The following PLCH1 variants were observed in gnomAD, a reference collection of about 807,000 sequenced individuals.
PLCH1 encodes phospholipase C eta 1, also known as 1-phosphatidylinositol 4,5-bisphosphate phosphodiesterase eta-1.
In PLCH1, 60 loss-of-function variants were observed where a neutral mutation model predicts 126.7. The ratio of observed to expected loss-of-function variants is 0.47; its 90% confidence interval spans 0.38 to 0.59. The LOEUF (loss-of-function observed/expected upper bound fraction) is 0.59, where lower values mean the gene tolerates loss of function less well. Among genes scored for constraint, PLCH1 ranks in the 20% least tolerant of loss-of-function variants. The pLI, the probability that PLCH1 is intolerant of heterozygous loss-of-function variation, is 0.00. For missense variants in PLCH1, 1,723 were observed against 2,040.0 expected (o/e 0.84, Z 2.99); for synonymous variants, 719 against 734.9 (o/e 0.98, Z 0.35).
chr3:155,719,520 AAATT>A lies in PLCH1; in HGVS notation c.-40-15260_-40-15257del, dbSNP rs369983302. 4.5e-3 allele frequency among the ~76,000 whole-genome samples: 684 copies of A among 152,276 alleles called. 8 individuals carry two copies. The highest frequency in any genetic ancestry group is 0.015 in the African/African-American group (640 of 41,550). ...CCCTAGAACTTAAAGTATAATAAAA[AAATT>A]AATTAATTAAAAAAAAGAATAAGCA... On this transcript the variant is annotated intron_variant, in intron 1 of 22. Coordinates refer to ENST00000460012, the MANE Select transcript of PLCH1 (RefSeq NM_014996.4).
chr3:155,553,970 G>T, intron 9 of PLCH1, 106 bp downstream of exon 9: 4 of 987,872 alleles, frequency 4.0e-6, no homozygotes, highest in South Asian at 1.7e-5. Context: ...AGCAAAGAGG[G>T]CAGTGTAGAG....
At chr3:155,471,158 C>A (rs1439261112) in intron 21 of PLCH1, among the ~76,000 whole-genome samples, 5 of 152,190 alleles carry the variant, frequency 3.3e-5, no homozygotes, top group African/African-American at 9.7e-5. Flanking sequence ...CAAGACCCAT[C>A]AGTGTGCTGT....
chr3:155,710,117 AG>A (rs1290198288), intron 1 of PLCH1, among the ~76,000 whole-genome samples: 4 of 152,050 alleles, frequency 2.6e-5, no homozygotes, highest in Non-Finnish European at 5.9e-5. Context: ...CCTCCCGACT[AG>A]CAGGGACTAC....
chr3:155,657,213 G>A (rs1559904182), intron 2 of PLCH1, among the ~76,000 whole-genome samples: 1 of 152,196 alleles, frequency 6.6e-6, no homozygotes, highest in Non-Finnish European at 1.5e-5. Flanking sequence ...CAAGGCTTTG[G>A]AGTCAAGCAA....
At chr3:155,683,111 G>A (rs1416931596) in intron 2 of PLCH1, among the ~76,000 whole-genome samples, 1 of 152,156 alleles carries the variant, frequency 6.6e-6, no homozygotes, top group Non-Finnish European at 1.5e-5. Context: ...ACATTTTTAA[G>A]CATCTGAATC....
chr3:155,548,495 A>G (rs554969200), intron 10 of PLCH1, among the ~76,000 whole-genome samples: 2 of 152,342 alleles, frequency 1.3e-5, no homozygotes, highest in African/African-American at 4.8e-5. Flanking sequence ...TATGCAAAGG[A>G]GACTCAATTA....
Position 155,596,267 on chromosome 3 carries a change from C to A in PLCH1, c.191G>T (p.Arg64Leu). 6.2e-7 allele frequency: 1 copy of A among 1,613,544 alleles called. No individual in the cohort carries two copies. The highest frequency in any genetic ancestry group is 8.5e-7 in the Non-Finnish European group (1 of 1,179,566). ...CTCACTCTTCCTAGAGGGTCGCCATCGGAGGCGTGTCCGGTGCTCATCCAG... is the reference window on the plus strand; with the variant it reads ...CTCACTCTTCCTAGAGGGTCGCCATAGGAGGCGTGTCCGGTGCTCATCCAG... Reference protein sequence around the residue: ...FYLDEHRTRLRWRPSRKSEKA... With the variant: ...FYLDEHRTRLLWRPSRKSEKA... The change falls in exon 3 of 23, where the codon CGA (arginine) becomes CTA (leucine). Residue 64 changes from arginine to leucine, a missense_variant. Physicochemically the swap from Arg to Leu is moderately radical, Grantham distance 102. This residue lies in a region of PLCH1 where 776 missense variants were observed against 1,062.9 expected (regional missense o/e 0.73). Coordinates refer to ENST00000460012, the MANE Select transcript of PLCH1 (RefSeq NM_014996.4).
Position 155,485,478 on chromosome 3 carries a change from C to A in PLCH1, c.2852G>T (p.Arg951Met). ...GCGTGCTTGCAAACTGCGTGTGGTCCTCCTCAGCACGCCATCTTGATCTCT... is the reference window on the plus strand; with the variant it reads ...GCGTGCTTGCAAACTGCGTGTGGTCATCCTCAGCACGCCATCTTGATCTCT... ...ATRDQDGVLR[R>M]TTRSLQARPV... is the part of the protein sequence containing the mutation. Residue 951 changes from arginine (R) to methionine (M), a missense_variant, in exon 22 of 23, where the codon AGG becomes ATG. Arg to Met is a moderately conservative substitution (Grantham distance 91). Transcript: ENST00000460012. The A allele has an allele frequency of 6.2e-7, 1 of 1,614,072 alleles. No individual in the cohort carries two copies. The highest frequency in any genetic ancestry group is 8.5e-7 in the Non-Finnish European group (1 of 1,179,910).
At chr3:155,699,632 T>C (rs1241028994) in intron 2 of PLCH1, among the ~76,000 whole-genome samples, 1 of 152,246 alleles carries the variant, frequency 6.6e-6, no homozygotes, top group Non-Finnish European at 1.5e-5. Context: ...CACTTTTGCA[T>C]AATTTCATTC....
intron 8 of PLCH1, among the ~76,000 whole-genome samples, chr3:155,556,661 T>A (rs1235975882): frequency 2.6e-5 from 4 of 152,222 alleles, no homozygotes; most frequent in African/African-American, 9.6e-5. Flanking sequence ...GTAAAGCCGA[T>A]TATGCTCCAC....
At chr3:155,645,565 C>T (rs1036782208) in intron 2 of PLCH1, among the ~76,000 whole-genome samples, 1 of 152,212 alleles carries the variant, frequency 6.6e-6, no homozygotes, top group African/African-American at 2.4e-5. Context: ...CAGCCTCAAC[C>T]TCCCAGGCTC....
rs781183963 is a variant in PLCH1 at position 155,482,078 on chromosome 3, G to C, written c.3948C>G (p.Asp1316Glu). 1 of 1,614,176 alleles carries C rather than the reference G, an allele frequency of 6.2e-7. No homozygotes were observed. The highest frequency in any genetic ancestry group is 1.1e-5 in the South Asian group (1 of 91,086). Residue 1316 changes from aspartate to glutamate, a missense_variant, in exon 23 of 23, where the codon GAC becomes GAG. Asp to Glu is a conservative substitution (Grantham distance 45). This residue lies in a region of PLCH1 where 947 missense variants were observed against 977.1 expected (regional missense o/e 0.97). Transcript: ENST00000460012. ...GGCTGCAGCTCTTCAGTGTTTCCCA[G>C]TCTTCTCCCTTGGTAGGACTTTTTG... is the stretch of plus-strand genomic sequence containing the variant. ...WLPKSPTKGE[D>E]WETLKSCSPA...
chr3:155,691,447 C>T (rs1195730529), intron 2 of PLCH1, among the ~76,000 whole-genome samples: 1 of 152,100 alleles, frequency 6.6e-6, no homozygotes, highest in Non-Finnish European at 1.5e-5. Context: ...TATGCAAAGC[C>T]GGAGATATTG....
intron 2 of PLCH1, among the ~76,000 whole-genome samples, chr3:155,622,301 A>G (rs1038042177): frequency 2.0e-5 from 3 of 152,240 alleles, no homozygotes; most frequent in African/African-American, 7.2e-5. Flanking sequence ...CAGCCACTGC[A>G]AAAACATACC....
At chr3:155,487,565 T>G (rs1422397297) in intron 21 of PLCH1, among the ~76,000 whole-genome samples, 1 of 152,184 alleles carries the variant, frequency 6.6e-6, no homozygotes, top group Non-Finnish European at 1.5e-5. Context: ...AATTTTTAGA[T>G]TTTCAGTTAA....
intron 21 of PLCH1, among the ~76,000 whole-genome samples, chr3:155,472,753 G>C (rs1229201403): frequency 6.7e-6 from 1 of 150,008 alleles, no homozygotes; most frequent in African/African-American, 2.4e-5. Context: ...CTTCATCCCT[G>C]GGATGCAAGG....
chr3:155,544,095 T>C (rs1175504020), intron 10 of PLCH1, among the ~76,000 whole-genome samples: 1 of 151,420 alleles, frequency 6.6e-6, no homozygotes, highest in African/African-American at 2.4e-5. Context: ...GACTGGCAAA[T>C]TGGATAAACA....
In PLCH1 at chr3:155,606,049, T is replaced by A. The variant is rs573274986; in HGVS notation, c.80-9671A>T. On this transcript the variant is annotated intron_variant, in intron 2 of 22. Transcript: ENST00000460012. ...GCTGGTAAAAAGAGATTTTAAAGAATTTTTTTTTAAGAAAAAAGAGCTCTA... is the reference window on the plus strand; with the variant it reads ...GCTGGTAAAAAGAGATTTTAAAGAAATTTTTTTTAAGAAAAAAGAGCTCTA... Among the ~76,000 whole-genome samples the A allele has an allele frequency of 3.3e-5, 5 of 151,714 alleles. No individual in the cohort carries two copies. In the South Asian group the frequency reaches 8.3e-4, roughly 25 times the overall value.
chr3:155,519,077 G>T (rs542093613), intron 11 of PLCH1, among the ~76,000 whole-genome samples: 24 of 152,298 alleles, frequency 1.6e-4, no homozygotes, highest in African/African-American at 4.6e-4. Context: ...CAAGAAAATT[G>T]GCAGCTGTGA....
Sources: gnomAD v4.1 joint callset for allele counts (sites outside exome capture counted in the v4.1 genomes callset) on GRCh38, gnomAD v4.1.1 for gene constraint, gnomAD v4.1.1 regional missense constraint, MANE v1.5 for transcripts, NCBI Gene and HGNC (gene_info 2026-07-23, HGNC 2026-07-21) for gene names.